HCN1: variants seen among roughly 807,000 people sequenced by gnomAD.
The protein encoded by HCN1 is potassium/sodium hyperpolarization-activated cyclic nucleotide-gated channel 1.
A neutral mutation model predicts 78.9 loss-of-function variants in HCN1; 13 were observed. That is an observed-to-expected ratio of 0.16 (90% CI 0.11 to 0.26). The LOEUF (loss-of-function observed/expected upper bound fraction) is 0.26. HCN1 is among the 10% of genes least tolerant of loss of function. HCN1 has a pLI of 1.00. For synonymous variants in HCN1, 552 were observed against 455.5 expected (o/e 1.21, Z -2.70); for missense variants, 810 against 1,154.3 (o/e 0.70, Z 4.32).
intron 4 of HCN1, among the ~76,000 whole-genome samples, chr5:45,390,489 G>A (rs1455849535): frequency 6.6e-6 from 1 of 150,568 alleles, no homozygotes; most frequent in Non-Finnish European, 1.5e-5. Flanking sequence ...GCTAACATAT[G>A]TGCTGTAAAA....
At chr5:45,497,680 T>A (rs937801218) in intron 2 of HCN1, among the ~76,000 whole-genome samples, 1 of 152,174 alleles carries the variant, frequency 6.6e-6, no homozygotes, top group Non-Finnish European at 1.5e-5. Context: ...TGTCTTTTAA[T>A]TGGAGCATTT....
chr5:45,551,838 G>T (rs969757504), intron 2 of HCN1, among the ~76,000 whole-genome samples: 2 of 151,836 alleles, frequency 1.3e-5, no homozygotes, highest in Non-Finnish European at 1.5e-5. Context: ...GTTCAATTAC[G>T]TATAAGGTAT....
chr5:45,467,993 C>G (rs1410737540), intron 2 of HCN1, among the ~76,000 whole-genome samples: 1 of 152,030 alleles, frequency 6.6e-6, no homozygotes, highest in African/African-American at 2.4e-5. Flanking sequence ...AAACAAATTT[C>G]TTCTCATGGC....
intron 2 of HCN1, among the ~76,000 whole-genome samples, chr5:45,464,826 G>T (rs1459225039): frequency 2.0e-5 from 3 of 151,994 alleles, no homozygotes; most frequent in Non-Finnish European, 1.5e-5. Flanking sequence ...ACTCAAGAAA[G>T]ATTTGGAATG....
chr5:45,266,079 T>C (rs767917178), intron 7 of HCN1, among the ~76,000 whole-genome samples: 1 of 152,152 alleles, frequency 6.6e-6, no homozygotes, highest in Admixed American at 6.5e-5. Context: ...GAATGCATAC[T>C]ACCTTACAAC....
At chr5:45,554,435 G>A (rs903339943) in intron 2 of HCN1, among the ~76,000 whole-genome samples, 2 of 151,574 alleles carry the variant, frequency 1.3e-5, no homozygotes, top group African/African-American at 2.4e-5. Context: ...TACACTTAAT[G>A]AAAAAATAAA....
Position 45,262,617 on chromosome 5 carries a change from G to A in HCN1, c.1977C>T (p.Arg659=), listed in dbSNP as rs1282221978. Residue 659 remains arginine, a synonymous_variant, in exon 8 of 8, where the codon CGC becomes CGT. Transcript: ENST00000303230. ...ACACCGGTGGAGATTGTGTCCTCAT[G>A]CGGGAGGTCGGGGTCGTAGTAGACG... ...STSSTTTPTS[R]MRTQSPPVYT... 3 of 1,613,818 alleles carry A rather than the reference G, an allele frequency of 1.9e-6. No individual in the cohort carries two copies. The African/African-American group carries it at 4.0e-5, about 22-fold the overall frequency.
intron 5 of HCN1, among the ~76,000 whole-genome samples, chr5:45,346,343 G>A (rs1251619143): frequency 6.6e-6 from 1 of 152,210 alleles, no homozygotes; most frequent in Admixed American, 6.5e-5. Flanking sequence ...AAAGAAAGGA[G>A]AGGGCAAAGA....
intron 2 of HCN1, among the ~76,000 whole-genome samples, chr5:45,596,989 A>G (rs1744514537): frequency 6.6e-6 from 1 of 152,188 alleles, no homozygotes; most frequent in Non-Finnish European, 1.5e-5. Flanking sequence ...TACCTCTTAC[A>G]AAGAGGAGCT....
chr5:45,477,948 C>T (rs1040281400), intron 2 of HCN1, among the ~76,000 whole-genome samples: 1 of 152,098 alleles, frequency 6.6e-6, no homozygotes, highest in Non-Finnish European at 1.5e-5. Flanking sequence ...GACACTCATT[C>T]ACTATTGGTT....
chr5:45,560,605 A>G (rs1263334269), intron 2 of HCN1, among the ~76,000 whole-genome samples: 1 of 152,064 alleles, frequency 6.6e-6, no homozygotes, highest in East Asian at 1.9e-4. Flanking sequence ...TCATTGTATT[A>G]ACAAAATTAA....
At chr5:45,317,272 A>C (rs964346195) in intron 5 of HCN1, among the ~76,000 whole-genome samples, 1 of 152,246 alleles carries the variant, frequency 6.6e-6, no homozygotes, top group East Asian at 1.9e-4. Flanking sequence ...ACACATCTAC[A>C]ACCATCTGAT....
intron 1 of HCN1, among the ~76,000 whole-genome samples, chr5:45,683,523 A>G (rs1432234819): frequency 6.6e-6 from 1 of 152,154 alleles, no homozygotes; most frequent in African/African-American, 2.4e-5. Context: ...TGACCTATCC[A>G]GAACAAGTCT....
At chr5:45,441,303 A>C (rs889665021) in intron 3 of HCN1, among the ~76,000 whole-genome samples, 4 of 152,054 alleles carry the variant, frequency 2.6e-5, no homozygotes, top group African/African-American at 9.7e-5. Context: ...CCATTAGATC[A>C]AAGCATATAA....
At chr5:45,633,403 G>T (rs1014637951) in intron 2 of HCN1, among the ~76,000 whole-genome samples, 3 of 151,754 alleles carry the variant, frequency 2.0e-5, no homozygotes, top group African/African-American at 7.3e-5. Context: ...GTAATCATCT[G>T]GCCAAAACAT....
At chr5:45,499,051 C>T (rs941316618) in intron 2 of HCN1, among the ~76,000 whole-genome samples, 7 of 152,156 alleles carry the variant, frequency 4.6e-5, no homozygotes, top group Non-Finnish European at 8.8e-5. Context: ...CTGTGCCCTG[C>T]CCCCAGAGGT....
chr5:45,545,583 C>G (rs968274124), intron 2 of HCN1, among the ~76,000 whole-genome samples: 14 of 152,222 alleles, frequency 9.2e-5, no homozygotes, highest in African/African-American at 3.4e-4. Flanking sequence ...GGTTTTAGGT[C>G]TAACATGTAA....
chr5:45,540,037 A>G (rs114319645), intron 2 of HCN1, among the ~76,000 whole-genome samples: 3,521 of 148,862 alleles, frequency 0.024, 63 homozygotes, highest in South Asian at 0.061. Flanking sequence ...GTTATTTTCA[A>G]TTTTACATAA....
rs535283483 is a variant in HCN1 at position 45,312,330 on chromosome 5, G to C, written c.1378-8491C>G. Among the ~76,000 whole-genome samples the C allele has an allele frequency of 6.6e-5, 10 of 152,266 alleles. 1 individual carries two copies. The East Asian group carries it at 1.7e-3, about 27-fold the overall frequency. On this transcript the variant is annotated intron_variant, in intron 5 of 7. Coordinates refer to ENST00000303230, the MANE Select transcript of HCN1 (RefSeq NM_021072.4). ...ACAGCAATAAAGAATCTTGTTATTT[G>C]TTCTTTGGTTGACACGATGTCTATT...
Sources: allele counts gnomAD v4.1 joint callset (sites outside exome capture counted in the v4.1 genomes callset), GRCh38; gene constraint gnomAD v4.1.1; transcripts MANE v1.5; gene names NCBI Gene and HGNC (gene_info 2026-07-23, HGNC 2026-07-21).